Variants in ARGLU1 observed in about 807,000 individuals in gnomAD.
The protein encoded by ARGLU1 is arginine and glutamate-rich protein 1.
ARGLU1 carries 9 observed loss-of-function variants against 37.6 expected under a neutral mutation model. The observed-to-expected ratio is 0.24, with a 90% CI of 0.14 to 0.42. The LOEUF is 0.42. Ranked by LOEUF, ARGLU1 falls within the 10% of genes least tolerant of loss-of-function variation. ARGLU1 has a pLI of 1.00. For missense variants in ARGLU1, 211 were observed against 359.2 expected, an observed-to-expected ratio of 0.59 and a Z score of 3.34; for synonymous variants, 166 against 138.5, an observed-to-expected ratio of 1.20 and a Z score of -1.39.
intron 3 of ARGLU1, among the ~76,000 whole-genome samples, chr13:106,551,206 G>A (rs1323147067): frequency 6.6e-6 from 1 of 152,144 alleles, no homozygotes; most frequent in African/African-American, 2.4e-5. Flanking sequence ...ATCCAGTGCT[G>A]GTGGTTCTTT....
Position 106,543,757 on chromosome 13 carries a change from A to C in ARGLU1, c.*239T>G. 2.5e-6 allele frequency: 1 copy of C among 402,092 alleles called. No individual in the cohort carries two copies. The highest frequency in any genetic ancestry group is 4.4e-6 in the Non-Finnish European group (1 of 228,908). The allele number at this position is 402,092 out of a possible 1,614,324, so 24.9% of individuals were successfully genotyped here. On this transcript the variant is annotated 3_prime_UTR_variant, in exon 4 of 4. Transcript: ENST00000400198. ...CCTCAGACCACTAATATAGAATCCA[A>C]ACAGGTGAAAAATACGTCACTCCTT... is the stretch of plus-strand genomic sequence containing the variant.
In ARGLU1 at chr13:106,557,385, T is replaced by C. The variant is rs1423236857; in HGVS notation, c.574-254A>G. 2 of 584,506 alleles carry C rather than the reference T, an allele frequency of 3.4e-6. No homozygotes were observed. The highest frequency in any genetic ancestry group is 4.3e-5 in the South Asian group (1 of 23,238). 36.2% of individuals were successfully genotyped at this position (584,506 alleles called of 1,614,324 possible). ...ATAGTTTCCTGGCAATTATTACTAATACTTTAATATCACACAAATCAACAA... is the reference window on the plus strand; with the variant it reads ...ATAGTTTCCTGGCAATTATTACTAACACTTTAATATCACACAAATCAACAA... On this transcript the variant is annotated intron_variant, in intron 2 of 3. Transcript: ENST00000400198. The surrounding 1 kb of genome is among the most constrained non-coding windows in gnomAD (Gnocchi z 5.0).
intron 1 of ARGLU1, among the ~76,000 whole-genome samples, chr13:106,563,217 G>A (rs1254024032): frequency 2.0e-5 from 3 of 152,028 alleles, no homozygotes; most frequent in Non-Finnish European, 2.9e-5. Context: ...TTACTTAATA[G>A]GTAACATATA....
At chr13:106,565,155 T>A (rs1880926427) in intron 1 of ARGLU1, among the ~76,000 whole-genome samples, 1 of 152,250 alleles carries the variant, frequency 6.6e-6, no homozygotes, top group African/African-American at 2.4e-5. Flanking sequence ...GTTTCTAGGA[T>A]GCAATCCAAG....
rs140461747 is a variant in ARGLU1 at position 106,556,707 on chromosome 13, T to C, written c.657+341A>G. On this transcript the variant is annotated intron_variant, in intron 3 of 3. Transcript: ENST00000400198. ...ATACAAAGTAAAATGCTGCATATTA[T>C]AGTTGGTTTAAATATACCCCCAAGC... Among the ~76,000 whole-genome samples the C allele has an allele frequency of 4.2e-3, 634 of 152,340 alleles. 3 individuals are homozygous for C. Among genetic ancestry groups the C allele is most frequent in the African/African-American group, 0.01 (426 of 41,588 alleles).
At chr13:106,551,778 A>G (rs1880536370) in intron 3 of ARGLU1, among the ~76,000 whole-genome samples, 1 of 152,006 alleles carries the variant, frequency 6.6e-6, no homozygotes. Context: ...AGCCTACATC[A>G]CTTCAATCTT....
At chr13:106,559,795 ATT>A in intron 1 of ARGLU1, 138 bp from the exon 2 acceptor site, 1 of 920,704 alleles carries the variant, frequency 1.1e-6, no homozygotes, top group South Asian at 1.8e-5. Flanking sequence ...TCCATGTCAC[ATT>A]TGAGGAAATG....
rs766372745 is a variant in ARGLU1 at position 106,557,399 on chromosome 13, A to G, written c.574-268T>C. ...ATTATTACTAATACTTTAATATCAC[A>G]CAAATCAACAAGGACAACTACAAAA... On this transcript the variant is annotated intron_variant, in intron 2 of 3. Transcript: ENST00000400198. This position sits in a 1 kb window ranked among gnomAD's most constrained non-coding sequence, Gnocchi z 5.0. 13 of 601,676 alleles carry G rather than the reference A, an allele frequency of 2.2e-5. No homozygotes were observed. Among genetic ancestry groups the G allele is most frequent in the Admixed American group, 3.9e-5 (1 of 25,712 alleles). The allele number at this position is 601,676 out of a possible 1,614,324, so 37.3% of individuals were successfully genotyped here.
intron 3 of ARGLU1, among the ~76,000 whole-genome samples, chr13:106,546,379 C>A (rs537607044): frequency 6.6e-6 from 1 of 152,182 alleles, no homozygotes; most frequent in Admixed American, 6.5e-5. Context: ...TTTGTTTCTA[C>A]TCCTCTTCTA....
intron 1 of ARGLU1, among the ~76,000 whole-genome samples, chr13:106,565,333 G>A (rs931136974): frequency 1.3e-5 from 2 of 152,162 alleles, no homozygotes; most frequent in African/African-American, 2.4e-5. Flanking sequence ...GTCGGGGGAG[G>A]AGGCTCTTTT....
intron 3 of ARGLU1, among the ~76,000 whole-genome samples, chr13:106,550,123 AT>A (rs1258051014): frequency 6.6e-6 from 1 of 152,184 alleles, no homozygotes; most frequent in African/African-American, 2.4e-5. Context: ...ATTAGGAATG[AT>A]TACATCAGGA....
intron 1 of ARGLU1, among the ~76,000 whole-genome samples, chr13:106,562,426 A>T (rs916148972): frequency 1.3e-5 from 2 of 152,178 alleles, no homozygotes; most frequent in African/African-American, 4.8e-5. Context: ...GCCTACTCCC[A>T]TAAGAGGCAC....
chr13:106,564,046 G>C (rs1880888837), intron 1 of ARGLU1, among the ~76,000 whole-genome samples: 1 of 152,204 alleles, frequency 6.6e-6, no homozygotes, highest in Non-Finnish European at 1.5e-5. Context: ...CTACTGGTGT[G>C]GGGGAGGGGT....
rs139262236 is a variant in ARGLU1, at chr13:106,544,465, T to C, written c.658-305A>G. Among the ~76,000 whole-genome samples, 886 of 152,324 alleles carry C rather than the reference T, an allele frequency of 5.8e-3. 8 individuals are homozygous for C. The highest frequency in any genetic ancestry group is 0.035 in the South Asian group (168 of 4,828). On this transcript the variant is annotated intron_variant, in intron 3 of 3. Transcript: ENST00000400198. The stretch of plus-strand genomic sequence containing the variant: ...TAATTACATCTACATTTTCTGTCTT[T>C]CATTTTCAATGAAAATAAATGAACA...
chr13:106,543,917 A>C lies in ARGLU1; in HGVS notation c.*79T>G, dbSNP rs1278646872. ...TTACAAATTAAAAAAACAAAAACAAAAACAAAAAACCACTTCAACATGAAG... is the reference window on the plus strand; with the variant it reads ...TTACAAATTAAAAAAACAAAAACAACAACAAAAAACCACTTCAACATGAAG... On this transcript the variant is annotated 3_prime_UTR_variant, in exon 4 of 4. Coordinates refer to ENST00000400198, the MANE Select transcript of ARGLU1 (RefSeq NM_018011.4). The C allele has an allele frequency of 7.7e-6, 11 of 1,428,982 alleles. No individual in the cohort carries two copies. Among genetic ancestry groups the C allele is most frequent in the Non-Finnish European group, 1.0e-5 (11 of 1,064,230 alleles). 88.5% of individuals were successfully genotyped at this position (1,428,982 alleles called of 1,614,324 possible).
At chr13:106,555,284 C>G (rs529540495) in intron 3 of ARGLU1, among the ~76,000 whole-genome samples, 1 of 152,156 alleles carries the variant, frequency 6.6e-6, no homozygotes, top group South Asian at 2.1e-4. Flanking sequence ...CTGAACCCAC[C>G]CAGGAGGTGG....
chr13:106,555,581 A>T lies in ARGLU1; in HGVS notation c.657+1467T>A, dbSNP rs543755208. ...TCTTAATTGTATTTTGCGAAAGTAGAGGTCTGAGACAAACTGGGATTAAAA... is the reference window on the plus strand; with the variant it reads ...TCTTAATTGTATTTTGCGAAAGTAGTGGTCTGAGACAAACTGGGATTAAAA... On this transcript the variant is annotated intron_variant, in intron 3 of 3. Transcript: ENST00000400198. 3.3e-5 allele frequency among the ~76,000 whole-genome samples: 5 copies of T among 152,330 alleles called. No homozygotes were observed. In the South Asian group the frequency reaches 6.2e-4, roughly 19 times the overall value.
At chr13:106,564,727 CCT>C (rs1384260675) in intron 1 of ARGLU1, among the ~76,000 whole-genome samples, 1 of 152,162 alleles carries the variant, frequency 6.6e-6, no homozygotes, top group East Asian at 1.9e-4. Context: ...CAGCGAAGCC[CCT>C]CTCAGCTAGG....
intron 2 of ARGLU1, 93 bp downstream of exon 2, chr13:106,559,335 CTGTA>C: frequency 6.4e-7 from 1 of 1,564,182 alleles, no homozygotes; most frequent in Admixed American, 1.9e-5. Context: ...ATTAGATAGT[CTGTA>C]TTCCATCTCT....
Sources: gnomAD v4.1 joint callset for allele counts (sites outside exome capture counted in the v4.1 genomes callset) on GRCh38, gnomAD v4.1.1 for gene constraint, Gnocchi (gnomAD v3.1) non-coding constraint, MANE v1.5 for transcripts, NCBI Gene and HGNC (gene_info 2026-07-23, HGNC 2026-07-21) for gene names.